The following ABCA4 variants were observed in gnomAD, a reference collection of about 807,000 sequenced individuals.
ABCA4 encodes retinal-specific phospholipid-transporting ATPase ABCA4.
A neutral mutation model predicts 263.7 loss-of-function variants in ABCA4; 196 were observed. The observed-to-expected ratio is 0.74, with a 90% CI of 0.66 to 0.84. The LOEUF is 0.84. ABCA4 is among the 40% of genes least tolerant of loss of function. The pLI is 0.00. For synonymous variants in ABCA4, 1,133 were observed against 1,094.2 expected, an observed-to-expected ratio of 1.04 and a Z score of -0.70; for missense variants, 2,792 against 2,855.1, an observed-to-expected ratio of 0.98 and a Z score of 0.50.
chr1:94,068,177 G>A (rs138719551), intron 11 of ABCA4, among the ~76,000 whole-genome samples: 4 of 152,344 alleles, frequency 2.6e-5, no homozygotes, highest in African/African-American at 7.2e-5. Flanking sequence ...GTGGGCAGTA[G>A]GGGAGCTGAG....
intron 23 of ABCA4, 83 bp from the exon 24 acceptor site, chr1:94,040,210 C>A: frequency 8.9e-7 from 1 of 1,127,806 alleles, no homozygotes; most frequent in Non-Finnish European, 1.3e-6. Context: ...CTGTCACCGC[C>A]CGCTTTATTT....
At position 94,055,244 on chromosome 1, in the gene ABCA4, C is replaced by T; in HGVS notation, c.2454G>A (p.Gly818=). Residue 818 remains glycine, a synonymous_variant, in exon 16 of 50, where the codon GGG becomes GGA. Transcript: ENST00000370225. ...YLVRFEEQGL[G]LQWSNIGNSP... is the part of the protein sequence containing the mutation. The stretch of plus-strand genomic sequence containing the variant: ...TGTTCCCGATGTTGCTCCACTGCAG[C>T]CCCAGGCCTTGCTCTTCAAAGCGAA... The T allele has an allele frequency of 1.2e-6, 2 of 1,614,182 alleles. No individual in the cohort carries two copies. The highest frequency in any genetic ancestry group is 1.7e-6 in the Non-Finnish European group (2 of 1,180,036).
intron 1 of ABCA4, among the ~76,000 whole-genome samples, chr1:94,117,207 C>G (rs35758710): frequency 6.6e-6 from 1 of 151,782 alleles, no homozygotes; most frequent in Non-Finnish European, 1.5e-5. Flanking sequence ...TTCTTCCTTC[C>G]TGCTCTGTTT....
chr1:94,008,134 G>A lies in ABCA4; in HGVS notation c.5898+101C>T. On this transcript the variant is annotated intron_variant, in intron 42 of 49. Coordinates refer to ENST00000370225, the MANE Select transcript of ABCA4 (RefSeq NM_000350.3). ...AATTACATATGTGACTTGCATTATG[G>A]CATTATGTTCCTATTGAATAGCTCT... The A allele has an allele frequency of 6.6e-6, 7 of 1,059,286 alleles. No individual in the cohort carries two copies. In the South Asian group the frequency reaches 9.1e-5, roughly 14 times the overall value. The allele number at this position is 1,059,286 out of a possible 1,614,324, so 65.6% of individuals were successfully genotyped here. A position where few individuals can be genotyped will look rare whatever the true frequency, so the allele number is the denominator to read the frequency against.
intron 6 of ABCA4, among the ~76,000 whole-genome samples, chr1:94,092,393 T>C (rs1017309863): frequency 3.3e-5 from 5 of 152,138 alleles, no homozygotes; most frequent in Admixed American, 6.6e-5. Flanking sequence ...ACTGGGAGAA[T>C]GTGGATTTGA....
intron 18 of ABCA4, 87 bp from the exon 19 acceptor site, chr1:94,047,180 C>CTA: frequency 6.8e-7 from 1 of 1,471,060 alleles, no homozygotes. Context: ...TGTATTCTGC[C>CTA]TATAACGTCA....
At chr1:94,073,210 C>T (rs1386336041) in intron 11 of ABCA4, among the ~76,000 whole-genome samples, 1 of 152,244 alleles carries the variant, frequency 6.6e-6, no homozygotes, top group Non-Finnish European at 1.5e-5. Context: ...GTTTCTTCCT[C>T]ACACATTTCC....
At chr1:94,001,548 G>A (rs1659183104) in intron 45 of ABCA4, 1 of 584,440 alleles carries the variant, frequency 1.7e-6, no homozygotes, top group East Asian at 3.9e-5. Context: ...CTCCTGTATG[G>A]GGACCAGACA....
chr1:93,997,309 G>C (rs1307520141), intron 48 of ABCA4, among the ~76,000 whole-genome samples: 1 of 152,192 alleles, frequency 6.6e-6, no homozygotes, highest in East Asian at 1.9e-4. Context: ...CCAGACTAGA[G>C]TGCAGTGGTA....
intron 48 of ABCA4, among the ~76,000 whole-genome samples, chr1:93,996,927 G>T (rs893122698): frequency 6.6e-6 from 1 of 152,190 alleles, no homozygotes; most frequent in Non-Finnish European, 1.5e-5. Context: ...CTTATATGAG[G>T]TATCTATAGT....
At chr1:94,105,723 CCA>C (rs1342054278) in intron 4 of ABCA4, among the ~76,000 whole-genome samples, 5 of 152,018 alleles carry the variant, frequency 3.3e-5, no homozygotes, top group Non-Finnish European at 7.4e-5. Flanking sequence ...GATTGAGAGA[CCA>C]CAGAGCTTGC....
In ABCA4 at chr1:94,113,043, C is replaced by G; in HGVS notation, c.90G>C (p.Val30=). 6.2e-7 allele frequency: 1 copy of G among 1,614,078 alleles called. No homozygotes were observed. The highest frequency in any genetic ancestry group is 8.5e-7 in the Non-Finnish European group (1 of 1,180,002). ...AGACCAGAAATAAAGATAAAGGCCA[C>G]ACGAGTTCCACCACAAAGCGAATCT... The part of the protein sequence containing the change: ...RQKIRFVVEL[V]WPLSLFLVLI... Residue 30 remains valine (V), a synonymous_variant, in exon 2 of 50, where the codon GTG becomes GTC. Coordinates refer to ENST00000370225, the MANE Select transcript of ABCA4 (RefSeq NM_000350.3).
intron 6 of ABCA4, among the ~76,000 whole-genome samples, chr1:94,095,584 C>T (rs1368580339): frequency 6.6e-6 from 1 of 152,162 alleles, no homozygotes; most frequent in African/African-American, 2.4e-5. Context: ...CCTTCCCTGG[C>T]CCCGGAGCAA....
rs374652451 is a variant in ABCA4, at chr1:94,001,109, G to T, written c.6283-4C>A. On this transcript the variant is annotated splice_region_variant and splice_polypyrimidine_tract_variant and intron_variant, in intron 45 of 49. Coordinates refer to ENST00000370225, the MANE Select transcript of ABCA4 (RefSeq NM_000350.3). Reference sequence around the variant, plus strand: ...CCATCCCTGTGGTGGGCTCATCCTGGGGGGTGGAGAGAAGGTTGGGGGCAC... The same window carrying T: ...CCATCCCTGTGGTGGGCTCATCCTGTGGGGTGGAGAGAAGGTTGGGGGCAC... 7 of 1,612,482 alleles carry T rather than the reference G, an allele frequency of 4.3e-6. No homozygotes were observed. Among genetic ancestry groups the T allele is most frequent in the African/African-American group, 4.0e-5 (3 of 74,878 alleles).
intron 3 of ABCA4, among the ~76,000 whole-genome samples, chr1:94,109,232 G>T (rs1662530511): frequency 6.6e-6 from 1 of 152,138 alleles, no homozygotes; most frequent in Non-Finnish European, 1.5e-5. Context: ...CCCAGTTTTG[G>T]CAGGGTCTGC....
At chr1:94,117,229 G>A (rs1297965825) in intron 1 of ABCA4, among the ~76,000 whole-genome samples, 1 of 151,990 alleles carries the variant, frequency 6.6e-6, no homozygotes, top group African/African-American at 2.4e-5. Flanking sequence ...CAATTTAACA[G>A]AAGGCAGCCA....
chr1:94,018,142 C>A (rs1013181290), intron 36 of ABCA4, among the ~76,000 whole-genome samples: 43 of 152,260 alleles, frequency 2.8e-4, no homozygotes, highest in African/African-American at 7.5e-4. Flanking sequence ...TCCACTCTAT[C>A]CTAGCTACAT....
intron 1 of ABCA4, among the ~76,000 whole-genome samples, chr1:94,115,999 G>A (rs1662748063): frequency 6.6e-6 from 1 of 152,110 alleles, no homozygotes; most frequent in South Asian, 2.1e-4. Flanking sequence ...CTGTTCCAGG[G>A]GTAAAATTTC....
At chr1:94,064,796 A>G (rs1661221228) in intron 11 of ABCA4, among the ~76,000 whole-genome samples, 1 of 152,160 alleles carries the variant, frequency 6.6e-6, no homozygotes, top group South Asian at 2.1e-4. Context: ...CGACCAATGC[A>G]GGGCTTCCCC....
Sources: allele counts gnomAD v4.1 joint callset (sites outside exome capture counted in the v4.1 genomes callset), GRCh38; gene constraint gnomAD v4.1.1; transcripts MANE v1.5; gene names NCBI Gene and HGNC (gene_info 2026-07-23, HGNC 2026-07-21).